MPDZ: variants seen among roughly 807,000 people sequenced by gnomAD.
The protein encoded by MPDZ is multiple PDZ domain protein.
In MPDZ, 234 loss-of-function variants were observed where a neutral mutation model predicts 239.1. The ratio of observed to expected loss-of-function variants is 0.98; its 90% CI spans 0.88 to 1.09. The LOEUF (loss-of-function observed/expected upper bound fraction) is 1.09. Among genes scored for constraint, MPDZ ranks in the 50% least tolerant of loss-of-function variants. The pLI, the probability that MPDZ is intolerant of heterozygous loss-of-function variation, is 0.00. For synonymous variants in MPDZ, 1,048 were observed against 881.3 expected, an observed-to-expected ratio of 1.19 and a Z score of -3.35; for missense variants, 3,175 against 2,510.0, an observed-to-expected ratio of 1.26 and a Z score of -5.66.
intron 1 of MPDZ, among the ~76,000 whole-genome samples, chr9:13,254,098 T>C (rs1968807536): frequency 1.3e-5 from 2 of 152,302 alleles, no homozygotes; most frequent in South Asian, 4.1e-4. Flanking sequence ...CAAGTTCAAA[T>C]AGACCATGCT....
chr9:13,121,404 A>C (rs1056558620), intron 38 of MPDZ, among the ~76,000 whole-genome samples: 3 of 152,172 alleles, frequency 2.0e-5, no homozygotes, highest in African/African-American at 7.2e-5. Context: ...GAATATATTT[A>C]ATTCGACGTT....
At chr9:13,134,979 T>C (rs1342239434) in intron 31 of MPDZ, 1 of 152,234 alleles carries the variant, frequency 6.6e-6, no homozygotes, top group Non-Finnish European at 1.5e-5. Flanking sequence ...TCTTTCTCTC[T>C]AAATGCTCTC....
chr9:13,143,668 A>ATT (rs1948050359), intron 26 of MPDZ, 104 bp from the exon 27 acceptor site: 2 of 857,070 alleles, frequency 2.3e-6, no homozygotes, highest in African/African-American at 3.3e-5. Flanking sequence ...CCTGTGTGAA[A>ATT]CTAGATCCTA....
Position 13,113,011 on chromosome 9 carries a change from CT to C in MPDZ, c.5600del (p.Lys1867ArgfsTer15). 1 of 1,583,514 alleles carries C rather than the reference CT, an allele frequency of 6.3e-7. No homozygotes were observed. Among genetic ancestry groups the C allele is most frequent in the Non-Finnish European group, 8.6e-7 (1 of 1,162,490 alleles). ...ATATTGTTTTCTCTCCCCAAGTTAC[CT>C]TTTTCATTTCGACTGTTCTTAATCC... ...IQGLRTVEMK[K>X]GPTDSLGISI... On this transcript the variant is annotated frameshift_variant and splice_region_variant, in exon 42 of 47. Transcript: ENST00000319217. LOFTEE classifies it high-confidence loss of function.
At chr9:13,115,126 C>G (rs990204724) in intron 40 of MPDZ, 122 bp downstream of exon 40, 68 of 741,764 alleles carry the variant, frequency 9.2e-5, no homozygotes, top group Non-Finnish European at 6.2e-5. Context: ...AACTCTGCAC[C>G]TCAGTCACTA....
At chr9:13,231,895 C>T (rs1962595781) in intron 3 of MPDZ, among the ~76,000 whole-genome samples, 1 of 151,956 alleles carries the variant, frequency 6.6e-6, no homozygotes, top group Admixed American at 6.6e-5. Flanking sequence ...ATGATTATGA[C>T]CAAGTTGGGC....
intron 10 of MPDZ, among the ~76,000 whole-genome samples, chr9:13,210,068 A>C (rs563706789): frequency 6.6e-6 from 1 of 150,668 alleles, no homozygotes; most frequent in East Asian, 1.9e-4. Flanking sequence ...AATGATGAGA[A>C]ATTACAAAAA....
At chr9:13,233,458 T>C (rs1190306672) in intron 3 of MPDZ, among the ~76,000 whole-genome samples, 2 of 152,108 alleles carry the variant, frequency 1.3e-5, no homozygotes, top group Non-Finnish European at 1.5e-5. Context: ...CAAATAGTAA[T>C]ACTTATCTCC....
At position 13,109,050 on chromosome 9, in the gene MPDZ, T is replaced by C. The variant is rs765428302; in HGVS notation, c.5952A>G (p.Gln1984=). 17 of 1,509,654 alleles carry C rather than the reference T, an allele frequency of 1.1e-5. No individual in the cohort carries two copies. The highest frequency in any genetic ancestry group is 2.0e-5 in the Admixed American group (1 of 49,032). 93.5% of individuals were successfully genotyped at this position (1,509,654 alleles called of 1,614,324 possible). A position where few individuals can be genotyped will look rare whatever the true frequency, so the allele number is the denominator to read the frequency against. ...CTCGCTCTAGTGTAATAGACTTACATTGAGGAGGTCTACGGTGAAGGAAAG... is the reference window on the plus strand; with the variant it reads ...CTCGCTCTAGTGTAATAGACTTACACTGAGGAGGTCTACGGTGAAGGAAAG... ...SIFQDDLGPP[Q]CKSITLERGP... The change falls in exon 46 of 47, where the codon CAA becomes CAG. Residue 1984 remains glutamine, a synonymous_variant. Transcript: ENST00000319217.
chr9:13,175,934 G>A (rs150648193), intron 20 of MPDZ, 59 bp from the exon 21 acceptor site: 148 of 1,530,504 alleles, frequency 9.7e-5, no homozygotes, highest in East Asian at 3.3e-4. Context: ...ACTTTGGAGC[G>A]TGATTTCAAC....
intron 3 of MPDZ, among the ~76,000 whole-genome samples, chr9:13,244,433 T>C (rs1300089771): frequency 1.3e-5 from 2 of 152,164 alleles, no homozygotes; most frequent in Non-Finnish European, 2.9e-5. Flanking sequence ...ACAGTTCTTT[T>C]TTTTTCTCTT....
At chr9:13,152,883 A>G (rs1310892592) in intron 24 of MPDZ, among the ~76,000 whole-genome samples, 5 of 152,158 alleles carry the variant, frequency 3.3e-5, no homozygotes, top group Non-Finnish European at 5.9e-5. Flanking sequence ...CTTGTGAAAA[A>G]GCAGGATGTA....
At chr9:13,195,031 T>C (rs1372109282) in intron 13 of MPDZ, among the ~76,000 whole-genome samples, 1 of 151,940 alleles carries the variant, frequency 6.6e-6, no homozygotes, top group Non-Finnish European at 1.5e-5. Context: ...TGCATGCCTG[T>C]AATCCCAGCA....
chr9:13,205,280 T>C lies in MPDZ; in HGVS notation c.1475-173A>G, dbSNP rs143377525. Reference sequence around the variant, plus strand: ...AGTTCTGTTAGTGGAAAAGAATACATTTCTCCTGTGATTTGCCCCTCTGTC... The same window carrying C: ...AGTTCTGTTAGTGGAAAAGAATACACTTCTCCTGTGATTTGCCCCTCTGTC... On this transcript the variant is annotated intron_variant, in intron 11 of 46. Transcript: ENST00000319217. 7.2e-5 allele frequency among the ~76,000 whole-genome samples: 11 copies of C among 152,274 alleles called. No individual in the cohort carries two copies. The East Asian group carries it at 2.1e-3, about 29-fold the overall frequency.
Position 13,113,931 on chromosome 9 carries a change from A to G in MPDZ, c.5557T>C (p.Leu1853=). ...GTTTAAAATACTGAACCAATCTTAC[A>G]TGCATTCTTCTTTGAGCTACTTTCC... The part of the protein sequence containing the change: ...SLESSSKKNA[L]ASEIQGLRTV... The change falls in exon 41 of 47, where the codon TTG becomes CTG. Residue 1853 remains leucine (L), a splice_region_variant and synonymous_variant. Coordinates refer to ENST00000319217, the MANE Select transcript of MPDZ (RefSeq NM_001378778.1). 1.3e-6 allele frequency: 2 copies of G among 1,583,258 alleles called. No individual in the cohort carries two copies. Among genetic ancestry groups the G allele is most frequent in the Non-Finnish European group, 8.6e-7 (1 of 1,163,040 alleles).
intron 10 of MPDZ, among the ~76,000 whole-genome samples, chr9:13,212,354 A>G (rs1957719496): frequency 6.6e-6 from 1 of 152,100 alleles, no homozygotes; most frequent in Non-Finnish European, 1.5e-5. Flanking sequence ...TATTATGGAA[A>G]TAAGATCTAT....
intron 22 of MPDZ, among the ~76,000 whole-genome samples, chr9:13,164,939 T>C (rs1304112689): frequency 2.6e-5 from 4 of 152,130 alleles, no homozygotes; most frequent in Admixed American, 6.6e-5. Context: ...AAATGCTTAT[T>C]TGAGAGTTGA....
rs1485432469 is a variant in MPDZ, at chr9:13,219,615, G to GT, written c.1029dup (p.Pro344ThrfsTer21). On this transcript the variant is annotated frameshift_variant, in exon 8 of 47. Coordinates refer to ENST00000319217, the MANE Select transcript of MPDZ (RefSeq NM_001378778.1). LOFTEE classifies it high-confidence loss of function. ...GAGAGGGTGATGCCCAAAGCAGTGGGTGCTGTACGTTCTTCTATGGCACCT... is the reference window on the plus strand; with the variant it reads ...GAGAGGGTGATGCCCAAAGCAGTGGGTTGCTGTACGTTCTTCTATGGCACCT... 6.2e-7 allele frequency: 1 copy of GT among 1,612,234 alleles called. No homozygotes were observed. Among genetic ancestry groups the GT allele is most frequent in the East Asian group, 2.2e-5 (1 of 44,770 alleles).
rs767129306 is a variant in MPDZ, at chr9:13,112,121, C to T, written c.5627G>A (p.Ser1876Asn). 8.7e-6 allele frequency: 14 copies of T among 1,612,904 alleles called. No homozygotes were observed. The highest frequency in any genetic ancestry group is 1.2e-5 in the Non-Finnish European group (14 of 1,179,304). The part of the protein sequence containing the change: ...KKGPTDSLGI[S>N]IAGGVGSPLG... ...TGGGCTGCCTACTCCTCCAGCGATGCTGATTCCCAGTGAGTCAGTAGGGCC... is the reference window on the plus strand; with the variant it reads ...TGGGCTGCCTACTCCTCCAGCGATGTTGATTCCCAGTGAGTCAGTAGGGCC... The change falls in exon 43 of 47, where the codon AGC (serine) becomes AAC (asparagine). Residue 1876 changes from serine (S) to asparagine (N), a missense_variant. Transcript: ENST00000319217.
Sources: allele counts gnomAD v4.1 joint callset (sites outside exome capture counted in the v4.1 genomes callset), GRCh38; gene constraint gnomAD v4.1.1; transcripts MANE v1.5; gene names NCBI Gene and HGNC (gene_info 2026-07-23, HGNC 2026-07-21).